The following PCDH15 variants were observed in gnomAD, a reference collection of about 807,000 sequenced individuals.
PCDH15 encodes protocadherin related 15.
In PCDH15, 129 loss-of-function variants were observed where a neutral mutation model predicts 178.5. The observed-to-expected ratio is 0.72, with a 90% CI of 0.63 to 0.84. The LOEUF is 0.84. Among genes scored for constraint, PCDH15 ranks in the 40% least tolerant of loss-of-function variants. PCDH15 has a pLI of 0.00. For synonymous variants in PCDH15, 800 were observed against 732.0 expected, an observed-to-expected ratio of 1.09 and a Z score of -1.50; for missense variants, 2,230 against 2,099.9, an observed-to-expected ratio of 1.06 and a Z score of -1.21.
At chr10:54,316,963 C>A (rs2133640210) in intron 8 of PCDH15, among the ~76,000 whole-genome samples, 1 of 152,192 alleles carries the variant, frequency 6.6e-6, no homozygotes. Context: ...GAAAATGCTG[C>A]ACTGATTATT....
intron 2 of PCDH15, among the ~76,000 whole-genome samples, chr10:55,560,028 A>G (rs1028851971): frequency 1.2e-4 from 19 of 152,070 alleles, no homozygotes; most frequent in African/African-American, 4.3e-4. Context: ...CCATTTTCCA[A>G]TGCATTTAAG....
At chr10:55,331,737 G>A (rs1203209025) in intron 2 of PCDH15, among the ~76,000 whole-genome samples, 1 of 152,034 alleles carries the variant, frequency 6.6e-6, no homozygotes, top group Non-Finnish European at 1.5e-5. Flanking sequence ...TGGCCTTTGT[G>A]AACAAGGTAA....
At chr10:54,164,794 A>T (rs2046052013) in intron 13 of PCDH15, among the ~76,000 whole-genome samples, 1 of 151,886 alleles carries the variant, frequency 6.6e-6, no homozygotes, top group Non-Finnish European at 1.5e-5. Context: ...AGTGCAGATG[A>T]CTTAGAAGTC....
At chr10:54,419,223 T>A (rs1481973370) in intron 3 of PCDH15, among the ~76,000 whole-genome samples, 8 of 128,642 alleles carry the variant, frequency 6.2e-5, no homozygotes, top group Non-Finnish European at 1.7e-5. Context: ...AGAATCCACA[T>A]ATACATATAC....
At chr10:54,584,699 T>C (rs1200357734) in intron 2 of PCDH15, among the ~76,000 whole-genome samples, 1 of 152,148 alleles carries the variant, frequency 6.6e-6, no homozygotes, top group African/African-American at 2.4e-5. Context: ...ACCCAGTTCA[T>C]CCCTCTAATC....
At chr10:54,308,560 G>A (rs973677024) in intron 8 of PCDH15, among the ~76,000 whole-genome samples, 1 of 151,898 alleles carries the variant, frequency 6.6e-6, no homozygotes, top group Admixed American at 6.6e-5. Context: ...GAATATAGTT[G>A]AACCTGTTCA....
chr10:54,967,763 C>T (rs905228932), intron 2 of PCDH15, among the ~76,000 whole-genome samples: 14 of 152,246 alleles, frequency 9.2e-5, no homozygotes, highest in African/African-American at 2.9e-4. Flanking sequence ...TATTTCCTTA[C>T]AGTTCTGGAG....
At chr10:54,259,892 T>A (rs915529052) in intron 8 of PCDH15, among the ~76,000 whole-genome samples, 7 of 152,168 alleles carry the variant, frequency 4.6e-5, no homozygotes, top group Admixed American at 1.3e-4. Context: ...GAAGATTATT[T>A]CCTTATGAAA....
At chr10:54,374,371 A>T (rs550053704) in intron 4 of PCDH15, among the ~76,000 whole-genome samples, 4 of 152,100 alleles carry the variant, frequency 2.6e-5, no homozygotes, top group Non-Finnish European at 5.9e-5. Context: ...CTCTCGTTTC[A>T]AAAGCTTTTA....
At chr10:53,996,488 A>C (rs1258082156) in intron 20 of PCDH15, among the ~76,000 whole-genome samples, 1 of 152,152 alleles carries the variant, frequency 6.6e-6, no homozygotes, top group Non-Finnish European at 1.5e-5. Context: ...GATATTTAGC[A>C]CTTCAGTGCG....
intron 2 of PCDH15, among the ~76,000 whole-genome samples, chr10:55,087,640 A>G (rs947708762): frequency 6.6e-6 from 1 of 152,162 alleles, no homozygotes; most frequent in African/African-American, 2.4e-5. Context: ...ACAGACTGTT[A>G]TGGTAAACAG....
At chr10:54,691,737 G>A (rs540880905) in intron 1 of PCDH15, among the ~76,000 whole-genome samples, 24 of 152,184 alleles carry the variant, frequency 1.6e-4, no homozygotes, top group African/African-American at 5.5e-4. Context: ...TTCACCCTGT[G>A]ATTTCTACAT....
At chr10:54,350,834 T>C (rs573918093) in intron 5 of PCDH15, among the ~76,000 whole-genome samples, 2 of 152,212 alleles carry the variant, frequency 1.3e-5, no homozygotes, top group African/African-American at 2.4e-5. Flanking sequence ...CTGGACACGG[T>C]GGCTAACGCC....
intron 2 of PCDH15, among the ~76,000 whole-genome samples, chr10:54,641,781 ACT>A (rs2093995544): frequency 6.6e-6 from 1 of 151,742 alleles, no homozygotes; most frequent in African/African-American, 2.4e-5. Context: ...ACACAAATCC[ACT>A]CTCTTCACTA....
At chr10:54,437,154 A>G (rs1283430445) in intron 3 of PCDH15, among the ~76,000 whole-genome samples, 1 of 152,210 alleles carries the variant, frequency 6.6e-6, no homozygotes, top group Non-Finnish European at 1.5e-5. Context: ...AGCAGTTACA[A>G]AAACAAATAA....
At chr10:54,913,182 G>A (rs1345672993) in intron 2 of PCDH15, among the ~76,000 whole-genome samples, 1 of 152,152 alleles carries the variant, frequency 6.6e-6, no homozygotes, top group African/African-American at 2.4e-5. Flanking sequence ...CAAGACAATG[G>A]GGAAAATGCC....
chr10:53,850,922 T>C (rs1298363163), intron 28 of PCDH15, among the ~76,000 whole-genome samples: 1 of 152,120 alleles, frequency 6.6e-6, no homozygotes, highest in Non-Finnish European at 1.5e-5. Context: ...TTAAGGTATC[T>C]AGTGGCTACC....
intron 16 of PCDH15, among the ~76,000 whole-genome samples, chr10:54,089,625 C>G (rs2094567534): frequency 6.6e-6 from 1 of 152,172 alleles, no homozygotes. Flanking sequence ...TGTAACACAT[C>G]TTGCCTACAA....
At chr10:54,648,469 C>T (rs1197912478) in intron 2 of PCDH15, among the ~76,000 whole-genome samples, 1 of 152,106 alleles carries the variant, frequency 6.6e-6, no homozygotes, top group Non-Finnish European at 1.5e-5. Context: ...TTGTTGTCTG[C>T]TATATACACA....
Sources: gnomAD v4.1 joint callset for allele counts (sites outside exome capture counted in the v4.1 genomes callset) on GRCh38, gnomAD v4.1.1 for gene constraint, MANE v1.5 for transcripts, NCBI Gene and HGNC (gene_info 2026-07-23, HGNC 2026-07-21) for gene names.